Variants in CNOT6L observed in about 807,000 individuals in gnomAD.
The protein encoded by CNOT6L is CCR4-NOT transcription complex subunit 6-like.
A neutral mutation model predicts 64.0 loss-of-function variants in CNOT6L; 7 were observed. That is an observed-to-expected ratio of 0.11 (90% CI 0.06 to 0.21). The LOEUF is 0.21. Ranked by LOEUF, CNOT6L falls within the 10% of genes least tolerant of loss-of-function variation. CNOT6L has a pLI of 1.00. For missense variants in CNOT6L, 245 were observed against 669.0 expected (o/e 0.37, Z 6.99); for synonymous variants, 193 against 243.4 (o/e 0.79, Z 1.93).
intron 11 of CNOT6L, among the ~76,000 whole-genome samples, chr4:77,725,029 A>G (rs1029468026): frequency 1.3e-5 from 2 of 152,194 alleles, no homozygotes; most frequent in African/African-American, 2.4e-5. Flanking sequence ...TTTCCCAAAA[A>G]GCTCATTATT....
chr4:77,774,167 A>G (rs565644578), intron 3 of CNOT6L, among the ~76,000 whole-genome samples: 1 of 152,318 alleles, frequency 6.6e-6, no homozygotes, highest in African/African-American at 2.4e-5. Context: ...TATGAAATAT[A>G]AATATTCTTT....
rs535548469 is a variant in CNOT6L at position 77,738,482 on chromosome 4, G to A, written c.872+3659C>T. ...AAAGCATGTATCTACGGCCAGGCGC[G>A]GTTGCTCACGCCTGTAATCCCAGCA... On this transcript the variant is annotated intron_variant, in intron 8 of 11. Coordinates refer to ENST00000504123, the MANE Select transcript of CNOT6L (RefSeq NM_144571.3). 8.5e-5 allele frequency among the ~76,000 whole-genome samples: 13 copies of A among 152,208 alleles called. No homozygotes were observed. The East Asian group carries it at 1.5e-3, about 18-fold the overall frequency.
chr4:77,771,098 T>C (rs1413420500), intron 4 of CNOT6L, among the ~76,000 whole-genome samples: 2 of 152,170 alleles, frequency 1.3e-5, no homozygotes, highest in Non-Finnish European at 2.9e-5. Context: ...GGTGGGCGGA[T>C]CACCTGAGGT....
At position 77,714,195 on chromosome 4, in the gene CNOT6L, A is replaced by G. The variant is rs574121857; in HGVS notation, c.*6236T>C. On this transcript the variant is annotated 3_prime_UTR_variant, in exon 12 of 12. Transcript: ENST00000504123. ...GTTACAAAAACACTTTATAGGTCAC[A>G]GAATGACTCAAATGTATGCAAAATA... The G allele has an allele frequency of 5.9e-5, 9 of 152,718 alleles. No individual in the cohort carries two copies. In the East Asian group the frequency reaches 1.7e-3, roughly 29 times the overall value. The allele number at this position is 152,718 out of a possible 1,614,324, so 9.5% of individuals were successfully genotyped here.
intron 6 of CNOT6L, among the ~76,000 whole-genome samples, chr4:77,747,108 C>G (rs1724281981): frequency 6.6e-6 from 1 of 151,590 alleles, no homozygotes; most frequent in Non-Finnish European, 1.5e-5. Flanking sequence ...AAACAAAAGG[C>G]CTTTATATTG....
intron 1 of CNOT6L, among the ~76,000 whole-genome samples, chr4:77,803,678 T>C (rs1185604082): frequency 2.6e-5 from 4 of 152,006 alleles, no homozygotes; most frequent in African/African-American, 7.2e-5. Flanking sequence ...CCGAGGCAGG[T>C]AGATAACCTG....
chr4:77,782,605 C>T lies in CNOT6L; in HGVS notation c.6-6213G>A, dbSNP rs151025702. On this transcript the variant is annotated intron_variant, in intron 1 of 11. Transcript: ENST00000504123. ...ATCCTCCTGCCTTGGCCTCCCAGTGCTACTAGGATTACAGGCATGAGCCAC... is the reference window on the plus strand; with the variant it reads ...ATCCTCCTGCCTTGGCCTCCCAGTGTTACTAGGATTACAGGCATGAGCCAC... 6.3e-4 allele frequency among the ~76,000 whole-genome samples: 95 copies of T among 149,942 alleles called. No homozygotes were observed. The East Asian group carries it at 0.013, about 21-fold the overall frequency.
intron 10 of CNOT6L, among the ~76,000 whole-genome samples, chr4:77,727,325 G>A (rs1387022663): frequency 7.9e-5 from 12 of 152,072 alleles, no homozygotes; most frequent in Non-Finnish European, 2.9e-5. Flanking sequence ...CACTTTGAGA[G>A]GCCGAGGTGG....
intron 1 of CNOT6L, among the ~76,000 whole-genome samples, chr4:77,778,872 G>A (rs576782191): frequency 4.0e-5 from 6 of 151,228 alleles, no homozygotes; most frequent in Admixed American, 6.6e-5. Flanking sequence ...GTGAAACCCC[G>A]TCTCTACTAA....
chr4:77,773,695 TAAGA>T (rs943404875), intron 3 of CNOT6L, among the ~76,000 whole-genome samples: 1 of 150,852 alleles, frequency 6.6e-6, no homozygotes, highest in African/African-American at 2.4e-5. Context: ...ATAAAAAGAA[TAAGA>T]AACAACAGGT....
At chr4:77,765,502 A>T (rs1726730357) in intron 4 of CNOT6L, among the ~76,000 whole-genome samples, 1 of 152,256 alleles carries the variant, frequency 6.6e-6, no homozygotes. Flanking sequence ...TTCAAGGAAT[A>T]CATTAATTCA....
chr4:77,749,427 T>C (rs2109970422), intron 5 of CNOT6L, among the ~76,000 whole-genome samples: 1 of 152,252 alleles, frequency 6.6e-6, no homozygotes, highest in South Asian at 2.1e-4. Context: ...AAAAATCTAA[T>C]ATAGAAACAG....
In CNOT6L at chr4:77,720,542, C is replaced by T. The variant is rs1357591835; in HGVS notation, c.1557G>A (p.Gly519=). 1 of 1,613,336 alleles carries T rather than the reference C, an allele frequency of 6.2e-7. No homozygotes were observed. Among genetic ancestry groups the T allele is most frequent in the Non-Finnish European group, 8.5e-7 (1 of 1,179,470 alleles). The part of the protein sequence containing the change: ...PQWLVENNIT[G]CPHPHIPSDH... ...CTGAAGGGATGTGAGGGTGTGGACACCCAGTGATGTTGTTCTCAACCAGCC... is the reference window on the plus strand; with the variant it reads ...CTGAAGGGATGTGAGGGTGTGGACATCCAGTGATGTTGTTCTCAACCAGCC... The change falls in exon 12 of 12, where the codon GGG becomes GGA. Residue 519 remains glycine, a synonymous_variant. Coordinates refer to ENST00000504123, the MANE Select transcript of CNOT6L (RefSeq NM_144571.3).
Position 77,819,350 on chromosome 4 carries a change from C to G in CNOT6L, c.-42G>C, listed in dbSNP as rs1734029984. 2 of 1,612,972 alleles carry G rather than the reference C, an allele frequency of 1.2e-6. No individual in the cohort carries two copies. Among genetic ancestry groups the G allele is most frequent in the Non-Finnish European group, 1.7e-6 (2 of 1,179,416 alleles). On this transcript the variant is annotated 5_prime_UTR_variant, in exon 1 of 12. Coordinates refer to ENST00000504123, the MANE Select transcript of CNOT6L (RefSeq NM_144571.3). ...AGAAGCAACAGCAGCCATTTCCCCG[C>G]GGCAGGGGAAACACACACACAAACA... is the stretch of plus-strand genomic sequence containing the variant.
intron 9 of CNOT6L, among the ~76,000 whole-genome samples, chr4:77,730,524 A>C (rs887186003): frequency 6.6e-6 from 1 of 152,042 alleles, no homozygotes; most frequent in Admixed American, 6.6e-5. Flanking sequence ...ACAATATCAG[A>C]AAAAAAAGTA....
chr4:77,743,063 CAATA>C (rs1560582926), intron 7 of CNOT6L, among the ~76,000 whole-genome samples: 2 of 151,898 alleles, frequency 1.3e-5, no homozygotes, highest in Admixed American at 1.3e-4. Flanking sequence ...CCATTAAGTA[CAATA>C]AATAAGAATC....
intron 10 of CNOT6L, among the ~76,000 whole-genome samples, chr4:77,727,528 C>T (rs1441332024): frequency 2.2e-5 from 3 of 136,192 alleles, no homozygotes; most frequent in Middle Eastern, 4.6e-3. Context: ...CACCACTGCA[C>T]TCCAACCTTG....
chr4:77,749,150 A>G (rs900708658), intron 5 of CNOT6L, among the ~76,000 whole-genome samples: 1 of 152,174 alleles, frequency 6.6e-6, no homozygotes, highest in African/African-American at 2.4e-5. Context: ...AATTTTGACC[A>G]AAGTAGCCCA....
chr4:77,758,089 G>A (rs1725766069), intron 4 of CNOT6L, among the ~76,000 whole-genome samples: 1 of 152,126 alleles, frequency 6.6e-6, no homozygotes, highest in Non-Finnish European at 1.5e-5. Context: ...CTGGTAAATG[G>A]TATGAATACT....
Sources: allele counts gnomAD v4.1 joint callset (sites outside exome capture counted in the v4.1 genomes callset), GRCh38; gene constraint gnomAD v4.1.1; transcripts MANE v1.5; gene names NCBI Gene and HGNC (gene_info 2026-07-23, HGNC 2026-07-21).